Variants in DLGAP2 observed in about 807,000 individuals in gnomAD.
DLGAP2 encodes the protein DLG associated protein 2.
DLGAP2 carries 26 observed loss-of-function variants against 100.3 expected under a neutral mutation model. That is an observed-to-expected ratio of 0.26 (90% CI 0.19 to 0.36). DLGAP2 has a LOEUF of 0.36. DLGAP2 is among the 10% of genes least tolerant of loss of function. The pLI is 1.00. For missense variants in DLGAP2, 1,858 were observed against 1,453.2 expected (o/e 1.28, Z -4.53); for synonymous variants, 886 against 630.1 (o/e 1.41, Z -6.08).
chr8:1,700,422 C>A (rs556375202), intron 14 of DLGAP2, among the ~76,000 whole-genome samples: 1 of 151,164 alleles, frequency 6.6e-6, no homozygotes, highest in Non-Finnish European at 1.5e-5. Flanking sequence ...ATGTGAATCA[C>A]GGGGCAGGTC....
intron 1 of DLGAP2, among the ~76,000 whole-genome samples, chr8:796,304 C>G (rs935724591): frequency 2.6e-5 from 4 of 152,190 alleles, no homozygotes; most frequent in South Asian, 2.1e-4. Flanking sequence ...TGTCCCTGCT[C>G]TGAGCTTGTC....
intron 3 of DLGAP2, among the ~76,000 whole-genome samples, chr8:1,270,678 C>T (rs901516660): frequency 7.4e-5 from 11 of 149,180 alleles, no homozygotes; most frequent in Admixed American, 6.8e-4. Flanking sequence ...GTGTGTGTCT[C>T]TCTATTTATG....
intron 1 of DLGAP2, among the ~76,000 whole-genome samples, chr8:785,894 G>C (rs34280537): frequency 0.32 from 38,391 of 120,530 alleles, 10,087 homozygotes; most frequent in East Asian, 0.49. Context: ...CGCTGTACAG[G>C]CTCCTGCCGG....
At position 1,630,947 on chromosome 8, in the gene DLGAP2, G is replaced by A. The variant is rs535819081; in HGVS notation, c.1591-1880G>A. 1.3e-4 allele frequency among the ~76,000 whole-genome samples: 19 copies of A among 146,016 alleles called. 1 individual carries two copies. In the South Asian group the frequency reaches 2.5e-3, roughly 19 times the overall value. The stretch of plus-strand genomic sequence containing the variant: ...TCCGGGTGTCCCGAGGGTCTCGGCG[G>A]GAGGTCCCAGTGTCCCGAGGGTCTC... On this transcript the variant is annotated intron_variant, in intron 7 of 14. Coordinates refer to ENST00000637795, the MANE Select transcript of DLGAP2 (RefSeq NM_001346810.2).
At chr8:1,657,442 A>G (rs961481000) in intron 8 of DLGAP2, among the ~76,000 whole-genome samples, 2 of 152,258 alleles carry the variant, frequency 1.3e-5, no homozygotes, top group Non-Finnish European at 2.9e-5. Context: ...CACACCATCC[A>G]ACTGAATGGC....
chr8:1,213,286 G>A (rs897081964), intron 2 of DLGAP2, among the ~76,000 whole-genome samples: 1 of 152,190 alleles, frequency 6.6e-6, no homozygotes, highest in Non-Finnish European at 1.5e-5. Flanking sequence ...TTAAGAAACT[G>A]AGGAGGCCCA....
chr8:1,056,122 C>T (rs1337001622), intron 2 of DLGAP2, among the ~76,000 whole-genome samples: 1 of 152,200 alleles, frequency 6.6e-6, no homozygotes, highest in African/African-American at 2.4e-5. Flanking sequence ...TTCAGTGTAA[C>T]ACTGGAGGGC....
rs1798704182 is a variant in DLGAP2 at position 1,238,101 on chromosome 8, TGGCGCCGTGTCTAGTTAC to T, written c.74-20748_74-20731del. 1.6e-4 allele frequency among the ~76,000 whole-genome samples: 2 copies of T among 12,294 alleles called. 1 individual carries two copies. The highest frequency in any genetic ancestry group is 3.3e-4 in the Non-Finnish European group (2 of 6,070). The allele number at this position is 12,294 out of a possible 152,430, so 8.1% of individuals were successfully genotyped here. ...TGGCGCCGTGTCTAGTTCTCTCACA[TGGCGCCGTGTCTAGTTAC>T]GTCTTACACGGTGCTGTGTCTAGTT... On this transcript the variant is annotated intron_variant, in intron 2 of 14. Coordinates refer to ENST00000637795, the MANE Select transcript of DLGAP2 (RefSeq NM_001346810.2).
intron 2 of DLGAP2, among the ~76,000 whole-genome samples, chr8:1,095,038 G>T (rs1236249516): frequency 6.6e-6 from 1 of 152,090 alleles, no homozygotes; most frequent in Non-Finnish European, 1.5e-5. Context: ...AGACAGCCTG[G>T]TGCAACAGCC....
At chr8:782,887 A>C (rs1821736218) in intron 1 of DLGAP2, among the ~76,000 whole-genome samples, 1 of 152,176 alleles carries the variant, frequency 6.6e-6, no homozygotes, top group African/African-American at 2.4e-5. Flanking sequence ...CAGAAGAAGA[A>C]CCAACCCCCA....
chr8:989,125 C>G lies in DLGAP2; in HGVS notation c.73+81159C>G, dbSNP rs906057267. 3.3e-5 allele frequency among the ~76,000 whole-genome samples: 5 copies of G among 152,196 alleles called. No homozygotes were observed. In the South Asian group the frequency reaches 1.0e-3, roughly 32 times the overall value. On this transcript the variant is annotated intron_variant, in intron 2 of 14. Coordinates refer to ENST00000637795, the MANE Select transcript of DLGAP2 (RefSeq NM_001346810.2). ...GTGACGACCGCAGTGCAGTCCCAGCCTTCAGCCCTGCGCGGCACCACCTTG... is the reference window on the plus strand; with the variant it reads ...GTGACGACCGCAGTGCAGTCCCAGCGTTCAGCCCTGCGCGGCACCACCTTG...
At chr8:994,873 T>G (rs979857611) in intron 2 of DLGAP2, among the ~76,000 whole-genome samples, 4 of 152,176 alleles carry the variant, frequency 2.6e-5, no homozygotes, top group Non-Finnish European at 5.9e-5. Context: ...ATTTTACACT[T>G]GAGTGCATTT....
chr8:1,497,104 G>T (rs117012469), intron 3 of DLGAP2, among the ~76,000 whole-genome samples: 2 of 152,196 alleles, frequency 1.3e-5, no homozygotes, highest in African/African-American at 2.4e-5. Context: ...CTAAGCAAGG[G>T]GTCTGAGTGA....
chr8:1,455,617 C>G (rs1257434449), intron 3 of DLGAP2, among the ~76,000 whole-genome samples: 5 of 152,254 alleles, frequency 3.3e-5, no homozygotes, highest in African/African-American at 1.2e-4. Context: ...CATCTTTGAG[C>G]TTGTCCTGCT....
At chr8:1,110,834 C>T (rs1031595138) in intron 2 of DLGAP2, among the ~76,000 whole-genome samples, 5 of 151,868 alleles carry the variant, frequency 3.3e-5, no homozygotes, top group East Asian at 1.9e-4. Context: ...CCCTGACCCC[C>T]GGGACCCCAC....
chr8:1,017,571 A>G (rs866003575), intron 2 of DLGAP2, among the ~76,000 whole-genome samples: 179 of 137,742 alleles, frequency 1.3e-3, no homozygotes, highest in African/African-American at 1.9e-3. Context: ...GTGTGTGACC[A>G]GGACAGACGA....
At chr8:804,284 C>T (rs1796225250) in intron 1 of DLGAP2, among the ~76,000 whole-genome samples, 1 of 152,172 alleles carries the variant, frequency 6.6e-6, no homozygotes. Flanking sequence ...CTGTTTTCGT[C>T]TGTGTCTTCT....
At chr8:1,155,356 G>T (rs1477895421) in intron 2 of DLGAP2, among the ~76,000 whole-genome samples, 1 of 152,322 alleles carries the variant, frequency 6.6e-6, no homozygotes. Context: ...GGGGCATCCG[G>T]GCTGGGGGGT....
At chr8:1,061,071 A>G (rs186593971) in intron 2 of DLGAP2, among the ~76,000 whole-genome samples, 90 of 152,284 alleles carry the variant, frequency 5.9e-4, no homozygotes, top group African/African-American at 2.0e-3. Flanking sequence ...TCCCTGATGC[A>G]CCCTACACCT....
Sources: allele counts gnomAD v4.1 joint callset (sites outside exome capture counted in the v4.1 genomes callset), GRCh38; gene constraint gnomAD v4.1.1; transcripts MANE v1.5; gene names NCBI Gene and HGNC (gene_info 2026-07-23, HGNC 2026-07-21).